IGFL2: variants seen among roughly 807,000 people sequenced by gnomAD.
IGFL2 encodes the protein insulin growth factor-like family member 2.
Under a neutral mutation model 13.9 loss-of-function variants are expected in IGFL2, and 7 were observed. The observed-to-expected ratio is 0.51, with a 90% confidence interval of 0.29 to 0.95. The LOEUF (loss-of-function observed/expected upper bound fraction) is 0.95. Ranked by LOEUF, IGFL2 falls within the 40% of genes least tolerant of loss-of-function variation. The pLI is 0.08. For missense variants in IGFL2, 138 were observed against 147.8 expected, an observed-to-expected ratio of 0.93 and a Z score of 0.34; for synonymous variants, 55 against 55.8, an observed-to-expected ratio of 0.99 and a Z score of 0.07.
At chr19:46,125,799 G>T in the IGFL2 span, among the ~76,000 whole-genome samples, 1 of 152,204 alleles carries the variant, frequency 6.6e-6, no homozygotes, top group African/African-American at 2.4e-5. Context: ...AGCCCAGGCT[G>T]TCAGCTTGTT....
the IGFL2 span, among the ~76,000 whole-genome samples, chr19:46,115,930 C>T: frequency 1.5e-3 from 234 of 152,194 alleles, 1 homozygote; most frequent in African/African-American, 4.9e-3. Flanking sequence ...GGAGGCTCGC[C>T]GGCTGACAGC....
chr19:46,079,390 T>C, the IGFL2 span, among the ~76,000 whole-genome samples: 3 of 152,192 alleles, frequency 2.0e-5, no homozygotes, highest in Admixed American at 6.5e-5. Context: ...GCCTAGAAAA[T>C]GGAGCTCAGC....
chr19:46,120,903 C>A, the IGFL2 span, among the ~76,000 whole-genome samples: 2 of 150,818 alleles, frequency 1.3e-5, no homozygotes, highest in African/African-American at 4.9e-5. Flanking sequence ...ATTCATCAGT[C>A]ATGCTGTACC....
At chr19:46,141,945 C>T (rs12151345), upstream of IGFL2, among the ~76,000 whole-genome samples, 55,287 of 152,000 alleles carry the variant, frequency 0.36, 11,889 homozygotes, top group Middle Eastern at 0.5. Flanking sequence ...TTACCTCACC[C>T]CTCCCTTGCT....
rs1287105524 is a variant in IGFL2, at chr19:46,160,664, G to A, written c.124G>A (p.Asp42Asn). The A allele has an allele frequency of 1.9e-6, 3 of 1,613,982 alleles. No homozygotes were observed. The highest frequency in any genetic ancestry group is 1.3e-5 in the African/African-American group (1 of 74,882). Residue 42 changes from aspartate (D) to asparagine (N), a missense_variant, in exon 3 of 4, where the codon GAC becomes AAC. Asp to Asn is a conservative substitution (Grantham distance 23, BLOSUM62 1). Transcript: ENST00000377693. ...WLCQPAPRCG[D>N]KIYNPLEQCC... ...GTGCCAGCCGGCACCCAGGTGTGGA[G>A]ACAAGATCTACAACCCCTTGGAGCA...
the IGFL2 span, among the ~76,000 whole-genome samples, chr19:46,206,223 G>C: frequency 6.6e-6 from 1 of 152,116 alleles, no homozygotes; most frequent in African/African-American, 2.4e-5. Context: ...ACCCACTGCT[G>C]TTTTCTCTAC....
the IGFL2 span, among the ~76,000 whole-genome samples, chr19:46,180,033 A>G: frequency 6.6e-6 from 1 of 152,198 alleles, no homozygotes; most frequent in Non-Finnish European, 1.5e-5. Context: ...GAAGACAAAT[A>G]CACGCATCTG....
chr19:46,163,707 A>T (rs895187789), downstream of IGFL2, among the ~76,000 whole-genome samples: 3 of 152,176 alleles, frequency 2.0e-5, no homozygotes, highest in African/African-American at 4.8e-5. Context: ...TAGCTCTGGC[A>T]GGGGGTGGCT....
chr19:46,193,967 C>A, the IGFL2 span, among the ~76,000 whole-genome samples: 4 of 152,174 alleles, frequency 2.6e-5, no homozygotes, highest in Non-Finnish European at 5.9e-5. Flanking sequence ...GTGGCCATTT[C>A]TGGGAGCCTA....
At chr19:46,138,454 A>C (rs543915436), upstream of IGFL2, among the ~76,000 whole-genome samples, 2 of 152,308 alleles carry the variant, frequency 1.3e-5, no homozygotes, top group African/African-American at 4.8e-5. Flanking sequence ...GGGTGTTGAC[A>C]AAAGTGCTTC....
the IGFL2 span, among the ~76,000 whole-genome samples, chr19:46,134,445 A>C: frequency 3.9e-5 from 6 of 152,212 alleles, no homozygotes; most frequent in Admixed American, 6.5e-5. Context: ...ATATATAATG[A>C]AATAATATAC....
At chr19:46,116,972 TATA>T in the IGFL2 span, among the ~76,000 whole-genome samples, 4 of 152,172 alleles carry the variant, frequency 2.6e-5, no homozygotes, top group Non-Finnish European at 5.9e-5. Context: ...ATTAGGCAAT[TATA>T]ATAACTAGTA....
chr19:46,205,788 C>T, the IGFL2 span, among the ~76,000 whole-genome samples: 1 of 152,162 alleles, frequency 6.6e-6, no homozygotes, highest in African/African-American at 2.4e-5. Context: ...AGGATTGAGG[C>T]TTGGTCCAGT....
At chr19:46,106,679 T>G in the IGFL2 span, among the ~76,000 whole-genome samples, 8 of 152,104 alleles carry the variant, frequency 5.3e-5, no homozygotes, top group Non-Finnish European at 7.4e-5. Context: ...CTTGTCTGGT[T>G]TTTGGACAGG....
the IGFL2 span, among the ~76,000 whole-genome samples, chr19:46,186,961 C>T: frequency 6.6e-6 from 1 of 152,222 alleles, no homozygotes; most frequent in Non-Finnish European, 1.5e-5. Flanking sequence ...GATTATAAAA[C>T]AGGAGGAACC....
At chr19:46,156,872 A>T (rs1400687729) in intron 1 of IGFL2, among the ~76,000 whole-genome samples, 4 of 152,176 alleles carry the variant, frequency 2.6e-5, no homozygotes, top group Non-Finnish European at 5.9e-5. Flanking sequence ...AAAGATCAAT[A>T]ATCTTTTGAT....
chr19:46,213,014 A>C, the IGFL2 span: 1 of 152,272 alleles, frequency 6.6e-6, no homozygotes, highest in Admixed American at 6.5e-5. Flanking sequence ...GCTGCAGGTG[A>C]GTGAGCAGTT....
chr19:46,092,573 A>G, the IGFL2 span, among the ~76,000 whole-genome samples: 1 of 152,068 alleles, frequency 6.6e-6, no homozygotes, highest in African/African-American at 2.4e-5. Context: ...CTGAGGCTGC[A>G]GTGAGCTGAG....
chr19:46,094,802 A>G, the IGFL2 span, among the ~76,000 whole-genome samples: 2 of 152,000 alleles, frequency 1.3e-5, no homozygotes, highest in Non-Finnish European at 2.9e-5. Context: ...TTCCTGTGTT[A>G]GTTTGCTGAG....
Sources: gnomAD v4.1 joint callset for allele counts (sites outside exome capture counted in the v4.1 genomes callset) on GRCh38, gnomAD v4.1.1 for gene constraint, MANE v1.5 for transcripts, NCBI Gene and HGNC (gene_info 2026-07-23, HGNC 2026-07-21) for gene names.